Variants in OTUD6B observed in about 807,000 individuals in gnomAD.
The protein encoded by OTUD6B is OTU deubiquitinase 6B.
Under a neutral mutation model 36.9 loss-of-function variants are expected in OTUD6B, and 41 were observed. That is an observed-to-expected ratio of 1.11 (90% CI 0.87 to 1.44). The LOEUF is 1.44. Among genes scored for constraint, OTUD6B ranks in the 40% most tolerant of loss-of-function variants. The pLI is 0.00. For missense variants in OTUD6B, 356 were observed against 344.8 expected (o/e 1.03, Z -0.26); for synonymous variants, 114 against 114.2 (o/e 1.00, Z 0.01).
In OTUD6B at chr8:91,084,768, T is replaced by A; in HGVS notation, c.798-16T>A. Reference sequence around the variant, plus strand: ...TTTCATCAAAACTACTCATTTCTTTTTTTTTTTAATTTCAGATATATGAGA... The same window carrying A: ...TTTCATCAAAACTACTCATTTCTTTATTTTTTTAATTTCAGATATATGAGA... On this transcript the variant is annotated splice_polypyrimidine_tract_variant and intron_variant, in intron 6 of 6. Transcript: ENST00000404789. 1 of 1,501,548 alleles carries A rather than the reference T, an allele frequency of 6.7e-7. No individual in the cohort carries two copies. Among genetic ancestry groups the A allele is most frequent in the Admixed American group, 2.2e-5 (1 of 44,806 alleles). 93.0% of individuals were successfully genotyped at this position (1,501,548 alleles called of 1,614,324 possible).
intron 1 of OTUD6B, 138 bp downstream of exon 1, chr8:91,070,604 C>T: frequency 1.3e-6 from 1 of 768,970 alleles, no homozygotes; most frequent in Non-Finnish European, 2.1e-6. Context: ...GGCCTCTTCT[C>T]TCTTCACCTA....
At chr8:91,071,947 T>C (rs1246310035) in intron 2 of OTUD6B, among the ~76,000 whole-genome samples, 7 of 152,222 alleles carry the variant, frequency 4.6e-5, no homozygotes, top group East Asian at 1.9e-4. Flanking sequence ...TTCCCACATA[T>C]ATAATACGAT....
At position 91,078,552 on chromosome 8, in the gene OTUD6B, A is replaced by G; in HGVS notation, c.512A>G (p.Asp171Gly). The G allele has an allele frequency of 1.2e-6, 2 of 1,609,254 alleles. No homozygotes were observed. Among genetic ancestry groups the G allele is most frequent in the Non-Finnish European group, 1.7e-6 (2 of 1,177,488 alleles). ...ATTGAAGATCAACTGAAAGAAAAGG[A>G]TTGTGCTCTGACTGTGGTTGCCTTG... ...KAIEDQLKEKDCALTVVALRS... is the reference protein window; with the variant it reads ...KAIEDQLKEKGCALTVVALRS... Residue 171 changes from aspartate (D) to glycine (G), a missense_variant, in exon 4 of 7, where the codon GAT becomes GGT. Transcript: ENST00000404789.
At position 91,086,326 on chromosome 8, in the gene OTUD6B, T is replaced by C. The variant is rs1236379027; in HGVS notation, c.*1458T>C. 3.9e-5 allele frequency: 6 copies of C among 152,062 alleles called. No individual in the cohort carries two copies. The allele number at this position is 152,062 out of a possible 1,614,324, so 9.4% of individuals were successfully genotyped here. A position where few individuals can be genotyped will look rare whatever the true frequency, so the allele number is the denominator to read the frequency against. On this transcript the variant is annotated 3_prime_UTR_variant, in exon 7 of 7. Transcript: ENST00000404789. ...ACAATGTGGGAAGCTGGCAGGGTCA[T>C]TGATAGCAAGTAAGTACTTCCTGAA...
intron 3 of OTUD6B, among the ~76,000 whole-genome samples, chr8:91,077,120 T>A (rs1015222293): frequency 6.6e-6 from 1 of 152,094 alleles, no homozygotes; most frequent in African/African-American, 2.4e-5. Context: ...AACTTATTAA[T>A]GTCAAAATTT....
At chr8:91,070,949 T>G in intron 1 of OTUD6B, 189 bp from the exon 2 acceptor site, 1 of 255,894 alleles carries the variant, frequency 3.9e-6, no homozygotes, top group Non-Finnish European at 5.9e-6. Flanking sequence ...GTTAATGAAG[T>G]TTTTTTTTTT....
intron 2 of OTUD6B, among the ~76,000 whole-genome samples, chr8:91,073,231 A>G (rs935418925): frequency 6.6e-6 from 1 of 152,314 alleles, no homozygotes; most frequent in African/African-American, 2.4e-5. Flanking sequence ...CCTTATAGTT[A>G]AAAGTCTAGC....
intron 2 of OTUD6B, 29 bp from the exon 3 acceptor site, chr8:91,073,802 G>T: frequency 1.3e-6 from 2 of 1,528,440 alleles, no homozygotes; most frequent in Admixed American, 2.0e-5. Context: ...TAAGTACATT[G>T]ACTTGTTAAT....
At chr8:91,077,409 C>A (rs1393680941) in intron 3 of OTUD6B, among the ~76,000 whole-genome samples, 1 of 152,036 alleles carries the variant, frequency 6.6e-6, no homozygotes, top group African/African-American at 2.4e-5. Flanking sequence ...CCAATTTCAT[C>A]TCTTGACAGT....
chr8:91,073,769 A>G, intron 2 of OTUD6B, 62 bp from the exon 3 acceptor site: 1 of 1,475,284 alleles, frequency 6.8e-7, no homozygotes, highest in Non-Finnish European at 9.1e-7. Flanking sequence ...GATTAGATAT[A>G]TTTATGATTT....
At chr8:91,071,362 T>G in intron 2 of OTUD6B, 73 bp downstream of exon 2, 2 of 1,161,590 alleles carry the variant, frequency 1.7e-6, no homozygotes, top group Non-Finnish European at 2.4e-6. Flanking sequence ...AATGTTAAAC[T>G]GCTTTTTTTT....
Position 91,078,479 on chromosome 8 carries a change from T to A in OTUD6B, c.439T>A (p.Leu147Ile). ...TGCTCAAATATTGGCAGCTAGACAG[T>A]TAGAAATTAAACAGATTCCATCTGA... ...KLAQILAARQ[L>I]EIKQIPSDGH... The change falls in exon 4 of 7, where the codon TTA becomes ATA. Residue 147 changes from leucine to isoleucine, a missense_variant. Transcript: ENST00000404789. 1 of 1,607,452 alleles carries A rather than the reference T, an allele frequency of 6.2e-7. No homozygotes were observed. Among genetic ancestry groups the A allele is most frequent in the Non-Finnish European group, 8.5e-7 (1 of 1,176,662 alleles).
At chr8:91,078,786 T>TCA (rs199602843) in intron 4 of OTUD6B, 118 bp downstream of exon 4, 195 of 572,774 alleles carry the variant, frequency 3.4e-4, no homozygotes, top group African/African-American at 3.0e-3. Context: ...GGAAAAAACA[T>TCA]CACAAGATTT....
In OTUD6B at chr8:91,071,205, A is replaced by C. The variant is rs1333774432; in HGVS notation, c.150A>C (p.Glu50Asp). 1 of 1,613,856 alleles carries C rather than the reference A, an allele frequency of 6.2e-7. No homozygotes were observed. Among genetic ancestry groups the C allele is most frequent in the Non-Finnish European group, 8.5e-7 (1 of 1,179,746 alleles). Residue 50 changes from glutamate to aspartate, a missense_variant, in exon 2 of 7, where the codon GAA becomes GAC. Physicochemically the swap from Glu to Asp is conservative, Grantham distance 45. Coordinates refer to ENST00000404789, the MANE Select transcript of OTUD6B (RefSeq NM_016023.5). Reference sequence around the variant, plus strand: ...AGAAGAGGAGGAAGCAACTCACCGAAGATGTGGCCAAGTTGGAAAAAGAAA... The same window carrying C: ...AGAAGAGGAGGAAGCAACTCACCGACGATGTGGCCAAGTTGGAAAAAGAAA... ...NDKKRRKQLT[E>D]DVAKLEKEME...
intron 4 of OTUD6B, among the ~76,000 whole-genome samples, chr8:91,079,805 A>G (rs1812866533): frequency 6.6e-6 from 1 of 152,134 alleles, no homozygotes; most frequent in Admixed American, 6.6e-5. Flanking sequence ...TGAGTCAGAG[A>G]AAAACACAAA....
chr8:91,073,244 CT>C lies in OTUD6B; in HGVS notation c.235-578del, dbSNP rs570724278. Among the ~76,000 whole-genome samples the C allele has an allele frequency of 3.1e-3, 466 of 151,280 alleles. 8 individuals carry two copies. The highest frequency in any genetic ancestry group is 1.2e-3 in the Non-Finnish European group (78 of 67,730). ...ATCCTTATAGTTAAAAGTCTAGCAT[CT>C]TTTTTTTTACTCTAGCAAACACACA... On this transcript the variant is annotated intron_variant, in intron 2 of 6. Transcript: ENST00000404789.
Position 91,078,643 on chromosome 8 carries a change from T to C in OTUD6B, c.603T>C (p.Pro201=). ...ACTTTCTGCCATTTTTAACAAACCC[T>C]AATACAGGAGATATGTATACTCCAG... ...VEDFLPFLTN[P]NTGDMYTPEE... The change falls in exon 4 of 7, where the codon CCT becomes CCC. Residue 201 remains proline, a synonymous_variant. Transcript: ENST00000404789. 1 of 1,585,040 alleles carries C rather than the reference T, an allele frequency of 6.3e-7. No individual in the cohort carries two copies. The highest frequency in any genetic ancestry group is 8.6e-7 in the Non-Finnish European group (1 of 1,163,936).
At chr8:91,077,820 A>C (rs1302213511) in intron 3 of OTUD6B, among the ~76,000 whole-genome samples, 1 of 151,960 alleles carries the variant, frequency 6.6e-6, no homozygotes, top group South Asian at 2.1e-4. Context: ...GGGGAGCTTG[A>C]GTCTCTCTCT....
rs753970424 is a variant in OTUD6B, at chr8:91,070,355, C to G, written c.-30C>G. ...GCCTACTAGCCGGTGCAGGTTTCTT[C>G]TAGCGCGTGTGCTGGGGTACCTGGT... On this transcript the variant is annotated 5_prime_UTR_variant, in exon 1 of 7. Transcript: ENST00000404789. 2.5e-6 allele frequency: 4 copies of G among 1,612,942 alleles called. No homozygotes were observed. The East Asian group carries it at 8.9e-5, about 36-fold the overall frequency.
Sources: allele counts gnomAD v4.1 joint callset (sites outside exome capture counted in the v4.1 genomes callset), GRCh38; gene constraint gnomAD v4.1.1; transcripts MANE v1.5; gene names NCBI Gene and HGNC (gene_info 2026-07-23, HGNC 2026-07-21).